WDFY4: variants seen among roughly 807,000 people sequenced by gnomAD.
WDFY4 encodes the protein WDFY family member 4.
In WDFY4, 169 loss-of-function variants were observed where a neutral mutation model predicts 351.9. That is an observed-to-expected ratio of 0.48 (90% CI 0.42 to 0.55). WDFY4 has a LOEUF of 0.55. Ranked by LOEUF, WDFY4 falls within the 20% of genes least tolerant of loss-of-function variation. The probability of loss-of-function intolerance (pLI) is 0.00; values close to 1 mark genes in which losing one functional copy is unlikely to be tolerated. For missense variants in WDFY4, 3,803 were observed against 3,935.6 expected (o/e 0.97, Z 0.90); for synonymous variants, 1,622 against 1,574.6 (o/e 1.03, Z -0.71).
At chr10:48,727,378 A>G in intron 6 of WDFY4, 92 bp from the exon 7 acceptor site, 2 of 1,270,260 alleles carry the variant, frequency 1.6e-6, no homozygotes, top group Admixed American at 2.5e-5. Flanking sequence ...ATGTCTTGAC[A>G]TGTTGTTTGG....
At position 48,975,001 on chromosome 10, in the gene WDFY4, A is replaced by G; in HGVS notation, c.9068A>G (p.His3023Arg). Residue 3023 changes from histidine (H) to arginine (R), a missense_variant, in exon 58 of 62, where the codon CAT (histidine) becomes CGT (arginine). His to Arg is a conservative substitution (Grantham distance 29). Around this residue, in one of 3 missense-constraint regions of WDFY4, gnomAD observed 3,054 missense variants for 3,148.6 expected, o/e 0.97. Coordinates refer to ENST00000325239, the MANE Select transcript of WDFY4 (RefSeq NM_001394531.1). The stretch of plus-strand genomic sequence containing the variant: ...ACCCACGTGACCCGCCTGCCCGCCC[A>G]TCGGGAAGGCATCTCAGCCATCACC... ...HLTHVTRLPA[H>R]REGISAITIS... The G allele has an allele frequency of 6.4e-7, 1 of 1,551,618 alleles. No homozygotes were observed. The highest frequency in any genetic ancestry group is 1.4e-5 in the African/African-American group (1 of 73,124).
intron 19 of WDFY4, among the ~76,000 whole-genome samples, chr10:48,784,422 G>A (rs1565193487): frequency 7.9e-5 from 12 of 151,366 alleles, no homozygotes. Flanking sequence ...TTTCCTTAGT[G>A]GCTAATGAGG....
Position 48,771,820 on chromosome 10 carries a change from G to A in WDFY4, c.2554-2638G>A, listed in dbSNP as rs551220228. The stretch of plus-strand genomic sequence containing the variant: ...AGCTTTACCCAGAAGTTGATGTTGA[G>A]AGCCACTTCATTCTTGTTTGAGAAA... On this transcript the variant is annotated intron_variant, in intron 13 of 61. Transcript: ENST00000325239. 2.6e-5 allele frequency among the ~76,000 whole-genome samples: 4 copies of A among 152,290 alleles called. No individual in the cohort carries two copies. The East Asian group carries it at 7.7e-4, about 29-fold the overall frequency.
At chr10:48,785,983 C>T (rs1279059161) in intron 19 of WDFY4, among the ~76,000 whole-genome samples, 1 of 152,144 alleles carries the variant, frequency 6.6e-6, no homozygotes, top group East Asian at 1.9e-4. Context: ...TATCCATGAA[C>T]CTGGTATGTC....
At chr10:48,913,253 A>C in intron 47 of WDFY4, 1 of 780,622 alleles carries the variant, frequency 1.3e-6, no homozygotes, top group Non-Finnish European at 2.1e-6. Context: ...CCGAGAAAGT[A>C]AGGAAAGGAG....
intron 13 of WDFY4, among the ~76,000 whole-genome samples, chr10:48,762,516 G>A (rs2065539831): frequency 6.6e-6 from 1 of 152,238 alleles, no homozygotes; most frequent in South Asian, 2.1e-4. Context: ...TGGTTCTGTG[G>A]GTCAGGGATT....
rs531432501 is a variant in WDFY4 at position 48,743,107 on chromosome 10, C to G, written c.2018C>G (p.Ser673Cys). The G allele has an allele frequency of 5.2e-6, 8 of 1,551,682 alleles. No homozygotes were observed. The highest frequency in any genetic ancestry group is 4.4e-6 in the Non-Finnish European group (5 of 1,146,984). ...CCGCTGCAGGCATGGGGAGCAGTAT[C>G]CCCCAGACAGACCCTGGAGCTGGTT... The part of the protein sequence containing the change: ...EPPLQAWGAV[S>C]PRQTLELVLY... The change falls in exon 12 of 62, where the codon TCC (serine) becomes TGC (cysteine). Residue 673 changes from serine to cysteine, a missense_variant. By Grantham distance (112) the Ser-to-Cys change is moderately radical. This residue lies in a region of WDFY4 where 3,054 missense variants were observed against 3,148.6 expected (regional missense o/e 0.97). Coordinates refer to ENST00000325239, the MANE Select transcript of WDFY4 (RefSeq NM_001394531.1).
chr10:48,949,751 C>T (rs929355243), intron 51 of WDFY4, among the ~76,000 whole-genome samples: 1 of 152,136 alleles, frequency 6.6e-6, no homozygotes, highest in African/African-American at 2.4e-5. Context: ...CAAATGCTAC[C>T]ACCCGCCTAT....
intron 44 of WDFY4, among the ~76,000 whole-genome samples, chr10:48,893,466 C>T (rs560250285): frequency 6.6e-6 from 1 of 152,218 alleles, no homozygotes; most frequent in African/African-American, 2.4e-5. Context: ...CCTAAGTCAT[C>T]CAACAGGCTC....
At chr10:48,691,718 A>G (rs2063201302) in intron 1 of WDFY4, among the ~76,000 whole-genome samples, 1 of 152,260 alleles carries the variant, frequency 6.6e-6, no homozygotes, top group South Asian at 2.1e-4. Context: ...GCGCTCTAAT[A>G]TCGACTTTTA....
intron 46 of WDFY4, among the ~76,000 whole-genome samples, chr10:48,900,778 G>GTT: frequency 6.6e-6 from 1 of 152,304 alleles, no homozygotes; most frequent in East Asian, 1.9e-4. Flanking sequence ...CACTGAACAT[G>GTT]TTTTTCTCCA....
intron 51 of WDFY4, among the ~76,000 whole-genome samples, chr10:48,947,962 G>T (rs763752323): frequency 3.9e-5 from 6 of 152,130 alleles, no homozygotes; most frequent in African/African-American, 1.4e-4. Context: ...AAAAGCCTGG[G>T]TATCCCAAGA....
chr10:48,828,674 A>G (rs2068083889), intron 36 of WDFY4, 104 bp from the exon 37 acceptor site: 2 of 663,482 alleles, frequency 3.0e-6, no homozygotes, highest in South Asian at 4.6e-5. Flanking sequence ...CCATATTGAT[A>G]TAGATAATTA....
chr10:48,719,548 A>G (rs2064011127), intron 2 of WDFY4, among the ~76,000 whole-genome samples: 1 of 152,230 alleles, frequency 6.6e-6, no homozygotes, highest in Admixed American at 6.5e-5. Flanking sequence ...CACTTTTTGG[A>G]ATTTATCTAA....
intron 23 of WDFY4, among the ~76,000 whole-genome samples, chr10:48,794,505 C>A (rs2066789127): frequency 6.6e-6 from 1 of 152,002 alleles, no homozygotes; most frequent in African/African-American, 2.4e-5. Context: ...ATATGAGGGT[C>A]ATCGCCACCA....
intron 24 of WDFY4, among the ~76,000 whole-genome samples, chr10:48,799,258 C>T (rs1393942413): frequency 6.6e-6 from 1 of 152,084 alleles, no homozygotes; most frequent in African/African-American, 2.4e-5. Flanking sequence ...CAATAAGAAC[C>T]AGATGCTAAA....
In WDFY4 at chr10:48,727,618, G is replaced by C. The variant is rs1361841339; in HGVS notation, c.930G>C (p.Glu310Asp). ...CCTCGGCTCTGTTCCTGGAGTTTGA[G>C]AATTCAGAGGGCTATCCTCTGCTGC... ...PVSSALFLEF[E>D]NSEGYPLLLK... is the part of the protein sequence containing the mutation. Residue 310 changes from glutamate (E) to aspartate (D), a missense_variant, in exon 7 of 62, where the codon GAG becomes GAC. Physicochemically the swap from Glu to Asp is conservative, Grantham distance 45. Coordinates refer to ENST00000325239, the MANE Select transcript of WDFY4 (RefSeq NM_001394531.1). 1 of 1,551,918 alleles carries C rather than the reference G, an allele frequency of 6.4e-7. No homozygotes were observed. Among genetic ancestry groups the C allele is most frequent in the Non-Finnish European group, 8.7e-7 (1 of 1,147,072 alleles).
chr10:48,704,057 C>T (rs12258201), intron 1 of WDFY4, among the ~76,000 whole-genome samples: 185 of 152,294 alleles, frequency 1.2e-3, no homozygotes, highest in African/African-American at 4.3e-3. Flanking sequence ...GAGACCCCAT[C>T]ACATACACAC....
In WDFY4 at chr10:48,712,196, A is replaced by T. The variant is rs570434167; in HGVS notation, c.234+2230A>T. On this transcript the variant is annotated intron_variant, in intron 2 of 61. Transcript: ENST00000325239. ...TTTATTAGTTGTGTGCTGTTGAGCA[A>T]GTTACCAACTATTGCTGAACCTCAG... 2.9e-4 allele frequency among the ~76,000 whole-genome samples: 44 copies of T among 152,364 alleles called. No individual in the cohort carries two copies. In the South Asian group the frequency reaches 8.9e-3, roughly 31 times the overall value.
Sources: gnomAD v4.1 joint callset for allele counts (sites outside exome capture counted in the v4.1 genomes callset) on GRCh38, gnomAD v4.1.1 for gene constraint, gnomAD v4.1.1 regional missense constraint, MANE v1.5 for transcripts, NCBI Gene and HGNC (gene_info 2026-07-23, HGNC 2026-07-21) for gene names.